Variants in PIKFYVE observed in about 807,000 individuals in gnomAD.
PIKFYVE encodes the protein 1-phosphatidylinositol 3-phosphate 5-kinase.
Under a neutral mutation model 257.9 loss-of-function variants are expected in PIKFYVE, and 122 were observed. The ratio of observed to expected loss-of-function variants is 0.47; its 90% confidence interval spans 0.41 to 0.55. The LOEUF (loss-of-function observed/expected upper bound fraction) is 0.55, where lower values mean the gene tolerates loss of function less well. PIKFYVE is among the 20% of genes least tolerant of loss of function. The pLI, the probability that PIKFYVE is intolerant of heterozygous loss-of-function variation, is 0.00. For missense variants in PIKFYVE, 2,160 were observed against 2,536.6 expected (o/e 0.85, Z 3.19); for synonymous variants, 892 against 868.9 (o/e 1.03, Z -0.47).
At chr2:208,352,825 T>G (rs199543533) in intron 39 of PIKFYVE, 43 bp downstream of exon 39, 1 of 1,600,202 alleles carries the variant, frequency 6.2e-7, no homozygotes, top group Non-Finnish European at 8.5e-7. Flanking sequence ...TACTGGAACC[T>G]TTTGTACCTT....
Position 208,342,590 on chromosome 2 carries a change from A to G in PIKFYVE, c.4968A>G (p.Glu1656=). Residue 1656 remains glutamate, a synonymous_variant, in exon 32 of 42, where the codon GAA becomes GAG. Coordinates refer to ENST00000264380, the MANE Select transcript of PIKFYVE (RefSeq NM_015040.4). ...PDKHYLMYEH[E]RVPIAVCEKE... ...AACACTACTTAATGTATGAACATGA[A>G]CGAGTGCCCATTGCAGTCTGCGAGA... The G allele has an allele frequency of 1.2e-6, 2 of 1,614,040 alleles. No homozygotes were observed. Among genetic ancestry groups the G allele is most frequent in the Non-Finnish European group, 1.7e-6 (2 of 1,179,936 alleles).
chr2:208,267,501 A>AGTT (rs1247155566), intron 1 of PIKFYVE, among the ~76,000 whole-genome samples: 1 of 38,146 alleles, frequency 2.6e-5, no homozygotes. Context: ...TTACATTGCC[A>AGTT]GTTTTTTTTT....
In PIKFYVE at chr2:208,336,124, C is replaced by A. The variant is rs1190970100; in HGVS notation, c.4444C>A (p.Gln1482Lys). Residue 1482 changes from glutamine to lysine, a missense_variant, in exon 27 of 42, where the codon CAA becomes AAA. By Grantham distance (53) the Gln-to-Lys change is moderately conservative (BLOSUM62 1). Around this residue, in one of 12 missense-constraint regions of PIKFYVE, gnomAD observed 699 missense variants for 855.8 expected, o/e 0.82. Transcript: ENST00000264380. ...LMSSSVDTPQQLQSVFESLIA... is the reference protein window; with the variant it reads ...LMSSSVDTPQKLQSVFESLIA... ...GTCTTCCTCTGTAGATACCCCTCAG[C>A]AACTGCAGTCGGTCTTTGAGTCACT... The A allele has an allele frequency of 6.2e-7, 1 of 1,613,894 alleles. No homozygotes were observed. Among genetic ancestry groups the A allele is most frequent in the Non-Finnish European group, 8.5e-7 (1 of 1,179,960 alleles).
chr2:208,317,576 T>C (rs1695689428), intron 15 of PIKFYVE, among the ~76,000 whole-genome samples: 1 of 152,192 alleles, frequency 6.6e-6, no homozygotes, highest in Non-Finnish European at 1.5e-5. Flanking sequence ...TTTTTCCCTA[T>C]GATATTTAAC....
intron 2 of PIKFYVE, among the ~76,000 whole-genome samples, chr2:208,272,806 C>G (rs867664544): frequency 2.1e-4 from 31 of 150,012 alleles, no homozygotes; most frequent in Middle Eastern, 3.4e-3. Context: ...AAAAAAAAAA[C>G]TATTTTTTAG....
rs1199047933 is a variant in PIKFYVE at position 208,326,180 on chromosome 2, G to A, written c.3369G>A (p.Lys1123=). The change falls in exon 20 of 42, where the codon AAG becomes AAA. Residue 1123 remains lysine (K), a synonymous_variant. Coordinates refer to ENST00000264380, the MANE Select transcript of PIKFYVE (RefSeq NM_015040.4). The stretch of plus-strand genomic sequence containing the variant: ...GCATGAATGGAAGTATTCAGGCCAA[G>A]TCTATTCAAGTCTTACCCTCACATG... The part of the protein sequence containing the change: ...LQGMNGSIQA[K]SIQVLPSHEL... 2 of 1,611,108 alleles carry A rather than the reference G, an allele frequency of 1.2e-6. No homozygotes were observed. The highest frequency in any genetic ancestry group is 8.5e-7 in the Non-Finnish European group (1 of 1,178,558).
chr2:208,298,964 T>C (rs537863255), intron 8 of PIKFYVE, among the ~76,000 whole-genome samples, 185 bp downstream of exon 8: 1 of 152,228 alleles, frequency 6.6e-6, no homozygotes, highest in East Asian at 1.9e-4. Flanking sequence ...TGCCTTAGTC[T>C]CCTGAGTAGC....
chr2:208,285,543 T>C (rs1391940261), intron 5 of PIKFYVE, among the ~76,000 whole-genome samples, 183 bp from the exon 6 acceptor site: 3 of 152,198 alleles, frequency 2.0e-5, no homozygotes, highest in African/African-American at 7.2e-5. Context: ...TAAATATATA[T>C]AATAGAGCTA....
intron 15 of PIKFYVE, among the ~76,000 whole-genome samples, chr2:208,315,623 T>G (rs879911165): frequency 2.0e-5 from 3 of 152,200 alleles, no homozygotes; most frequent in Admixed American, 1.3e-4. Context: ...AGATAGGTTC[T>G]TCCTTTCTTG....
intron 23 of PIKFYVE, among the ~76,000 whole-genome samples, chr2:208,332,854 T>A (rs772188420): frequency 3.3e-5 from 5 of 152,098 alleles, no homozygotes; most frequent in Admixed American, 2.6e-4. Context: ...GCTGCTCTCC[T>A]CCACCACCCC....
Position 208,336,265 on chromosome 2 carries a change from A to G in PIKFYVE, c.4520+65A>G. 3 of 1,590,290 alleles carry G rather than the reference A, an allele frequency of 1.9e-6. No individual in the cohort carries two copies. In the South Asian group the frequency reaches 3.3e-5, roughly 18 times the overall value. On this transcript the variant is annotated intron_variant, in intron 27 of 41. Coordinates refer to ENST00000264380, the MANE Select transcript of PIKFYVE (RefSeq NM_015040.4). ...ACATTTGTTCTAATGTGATATCTTA[A>G]AACTTAAAAATTTTTAATTATGGAT...
At chr2:208,351,767 T>C (rs1404773055) in intron 38 of PIKFYVE, among the ~76,000 whole-genome samples, 3 of 152,154 alleles carry the variant, frequency 2.0e-5, no homozygotes, top group Admixed American at 6.6e-5. Context: ...GCTGCATTCT[T>C]TTAACTAACC....
chr2:208,287,986 C>G (rs540809376), intron 6 of PIKFYVE, among the ~76,000 whole-genome samples: 19 of 152,226 alleles, frequency 1.2e-4, no homozygotes. Flanking sequence ...AAAATTGATT[C>G]TATGTTTAAT....
intron 8 of PIKFYVE, among the ~76,000 whole-genome samples, chr2:208,299,559 A>G (rs981285859): frequency 3.3e-5 from 5 of 152,152 alleles, no homozygotes; most frequent in African/African-American, 1.2e-4. Context: ...AAGTGCTGGG[A>G]TTACAGGCGT....
chr2:208,275,248 G>C (rs1379790116), intron 3 of PIKFYVE, among the ~76,000 whole-genome samples: 1 of 152,242 alleles, frequency 6.6e-6, no homozygotes, highest in Non-Finnish European at 1.5e-5. Context: ...AGCTAGACCA[G>C]ATTTTCTCTC....
intron 16 of PIKFYVE, among the ~76,000 whole-genome samples, chr2:208,318,268 G>C (rs942816694): frequency 1.3e-5 from 2 of 152,176 alleles, no homozygotes; most frequent in Non-Finnish European, 2.9e-5. Flanking sequence ...CTAGTAGGCT[G>C]GAGTCCTTCC....
chr2:208,290,366 A>G (rs915843778), intron 7 of PIKFYVE, among the ~76,000 whole-genome samples: 6 of 152,306 alleles, frequency 3.9e-5, no homozygotes, highest in African/African-American at 1.4e-4. Flanking sequence ...TATAGTTGGA[A>G]TTATACAGTG....
chr2:208,277,536 G>A lies in PIKFYVE; in HGVS notation c.442-1G>A, dbSNP rs1261108669. On this transcript the variant is annotated splice_acceptor_variant, in intron 4 of 41. Transcript: ENST00000264380. LOFTEE classifies it high-confidence loss of function. Reference sequence around the variant, plus strand: ...GCCTTCACACATTTTTATTGTTATAGGATAGTGACCTGAAACAATACTGGA... The same window carrying A: ...GCCTTCACACATTTTTATTGTTATAAGATAGTGACCTGAAACAATACTGGA... 1 of 1,613,500 alleles carries A rather than the reference G, an allele frequency of 6.2e-7. No individual in the cohort carries two copies. Among genetic ancestry groups the A allele is most frequent in the Non-Finnish European group, 8.5e-7 (1 of 1,179,544 alleles).
chr2:208,331,749 AC>A (rs1383862653), intron 23 of PIKFYVE, among the ~76,000 whole-genome samples: 6 of 152,228 alleles, frequency 3.9e-5, no homozygotes, highest in Non-Finnish European at 8.8e-5. Flanking sequence ...AGCACGACCT[AC>A]ATTAATCAGT....
Sources: allele counts gnomAD v4.1 joint callset (sites outside exome capture counted in the v4.1 genomes callset), GRCh38; gene constraint gnomAD v4.1.1; regional missense constraint gnomAD v4.1.1; transcripts MANE v1.5; gene names NCBI Gene and HGNC (gene_info 2026-07-23, HGNC 2026-07-21).